ARHGEF40: variants seen among roughly 807,000 people sequenced by gnomAD.
ARHGEF40 encodes the protein Rho guanine nucleotide exchange factor 40.
A neutral mutation model predicts 165.9 loss-of-function variants in ARHGEF40; 98 were observed. The ratio of observed to expected loss-of-function variants is 0.59; its 90% confidence interval spans 0.50 to 0.70. The LOEUF (loss-of-function observed/expected upper bound fraction) is 0.70. Ranked by LOEUF, ARHGEF40 falls within the 30% of genes least tolerant of loss-of-function variation. The pLI is 0.00. For missense variants in ARHGEF40, 1,815 were observed against 1,968.0 expected, an observed-to-expected ratio of 0.92 and a Z score of 1.47; for synonymous variants, 792 against 814.3, an observed-to-expected ratio of 0.97 and a Z score of 0.47.
rs762930972 is a variant in ARHGEF40 at position 21,083,908 on chromosome 14, G to A, written c.3647G>A (p.Arg1216Gln). 6.8e-6 allele frequency: 11 copies of A among 1,613,988 alleles called. No individual in the cohort carries two copies. Among genetic ancestry groups the A allele is most frequent in the African/African-American group, 5.3e-5 (4 of 74,938 alleles). The change falls in exon 17 of 24, where the codon CGG becomes CAG. Residue 1216 changes from arginine to glutamine, a missense_variant. By Grantham distance (43) the Arg-to-Gln change is conservative (BLOSUM62 1). Coordinates refer to ENST00000298694, the MANE Select transcript of ARHGEF40 (RefSeq NM_018071.5). ...QPLEQLTRYGRLLEELLREAG... is the reference protein window; with the variant it reads ...QPLEQLTRYGQLLEELLREAG... The stretch of plus-strand genomic sequence containing the variant: ...CTGGAACAGCTGACTCGGTATGGGC[G>A]GCTCCTGGAGGAGCTCCTGAGGGAA...
chr14:21,063,940 G>A, the ARHGEF40 span, among the ~76,000 whole-genome samples: 4 of 152,108 alleles, frequency 2.6e-5, no homozygotes, highest in Admixed American at 6.5e-5. Flanking sequence ...ACATAGAACC[G>A]AATCTGCTTC....
In ARHGEF40 at chr14:21,076,601, T is replaced by C; in HGVS notation, c.1875T>C (p.Ile625=). 1 of 1,614,268 alleles carries C rather than the reference T, an allele frequency of 6.2e-7. No individual in the cohort carries two copies. Among genetic ancestry groups the C allele is most frequent in the African/African-American group, 1.3e-5 (1 of 75,062 alleles). The change falls in exon 7 of 24, where the codon ATT becomes ATC. Residue 625 remains isoleucine, a synonymous_variant. Coordinates refer to ENST00000298694, the MANE Select transcript of ARHGEF40 (RefSeq NM_018071.5). ...CTCCCCTTGTTCAGCGGCTGCTGAT[T>C]CTCATTCATGATGACCTTCCAACTG... ...GDPPLVQRLL[I]LIHDDLPTEL...
At chr14:21,078,738 C>T in intron 10 of ARHGEF40, 146 bp from the exon 11 acceptor site, 1 of 1,249,826 alleles carries the variant, frequency 8.0e-7, no homozygotes. Flanking sequence ...AGTCAGGATT[C>T]AAACCAAAGC....
upstream of ARHGEF40, among the ~76,000 whole-genome samples, chr14:21,069,558 G>A (rs1007779554): frequency 2.0e-5 from 3 of 152,234 alleles, no homozygotes; most frequent in African/African-American, 7.2e-5. Flanking sequence ...TCCCGATCCG[G>A]GAACCCTGCC....
chr14:21,062,488 C>T, the ARHGEF40 span, among the ~76,000 whole-genome samples: 21 of 152,218 alleles, frequency 1.4e-4, 1 homozygote, highest in Middle Eastern at 0.014. Flanking sequence ...AGTATTATAT[C>T]CTAGAAAAAC....
intron 17 of ARHGEF40, among the ~76,000 whole-genome samples, chr14:21,084,256 C>G (rs1463049761): frequency 6.6e-6 from 1 of 152,218 alleles, no homozygotes; most frequent in Non-Finnish European, 1.5e-5. Context: ...GTCCTCCCAA[C>G]ATCCCATGTT....
At chr14:21,084,291 G>C (rs978487960) in intron 17 of ARHGEF40, among the ~76,000 whole-genome samples, 1 of 152,110 alleles carries the variant, frequency 6.6e-6, no homozygotes, top group African/African-American at 2.4e-5. Context: ...GTACTCTCCT[G>C]TTCCTTTCCT....
intron 11 of ARHGEF40, among the ~76,000 whole-genome samples, chr14:21,080,386 C>T (rs1295984320): frequency 1.3e-5 from 2 of 152,160 alleles, no homozygotes; most frequent in Admixed American, 1.3e-4. Context: ...ACTTCACCCT[C>T]GGACATAGCC....
In ARHGEF40 at chr14:21,082,320, C is replaced by G; in HGVS notation, c.3328C>G (p.Pro1110Ala). The change falls in exon 15 of 24, where the codon CCC becomes GCC. Residue 1110 changes from proline (P) to alanine (A), a missense_variant. Pro to Ala is a conservative substitution (Grantham distance 27). Transcript: ENST00000298694. The stretch of plus-strand genomic sequence containing the variant: ...GGCCACCTTGAGTGAGCCAGTGCCA[C>G]CCCCTGGGCCTGAGCTGACGCCTGA... The part of the protein sequence containing the change: ...YVATLSEPVP[P>A]PGPELTPELR... 6.2e-7 allele frequency: 1 copy of G among 1,612,924 alleles called. No individual in the cohort carries two copies. The highest frequency in any genetic ancestry group is 8.5e-7 in the Non-Finnish European group (1 of 1,179,784).
the ARHGEF40 span, among the ~76,000 whole-genome samples, chr14:21,063,533 CA>C: frequency 1.3e-5 from 2 of 149,612 alleles, no homozygotes; most frequent in African/African-American, 2.4e-5. Context: ...ACACTAAGTA[CA>C]AAAAAAAAGG....
At position 21,070,319 on chromosome 14, in the gene ARHGEF40, C is replaced by T. The variant is rs1886601147; in HGVS notation, c.-78C>T. 9.4e-6 allele frequency: 13 copies of T among 1,381,970 alleles called. No individual in the cohort carries two copies. The highest frequency in any genetic ancestry group is 1.2e-5 in the Non-Finnish European group (13 of 1,068,880). 85.6% of individuals were successfully genotyped at this position (1,381,970 alleles called of 1,614,324 possible). On this transcript the variant is annotated 5_prime_UTR_variant, in exon 1 of 24. The change creates a new upstream start codon in the 5' untranslated region. Transcript: ENST00000298694. This position sits in a 1 kb window ranked among gnomAD's most constrained non-coding sequence, Gnocchi z 4.7. ...TCCCTTAGCCAGACCCGGCGAGACA[C>T]GAGCGGCGGGAGGGAGGCGGTGGCG... is the stretch of plus-strand genomic sequence containing the variant.
chr14:21,082,020 C>A lies in ARHGEF40; in HGVS notation c.3152C>A (p.Thr1051Lys). Residue 1051 changes from threonine (T) to lysine (K), a missense_variant, in exon 14 of 24, where the codon ACG becomes AAG. Thr to Lys is a moderately conservative substitution (Grantham distance 78). Coordinates refer to ENST00000298694, the MANE Select transcript of ARHGEF40 (RefSeq NM_018071.5). ...EVTSTEVVDR[T>K]CSPREHVLLG... ...ACCAGCACTGAGGTGGTAGACAGGA[C>A]GTGCTCACCACGGGAACACGTGCTG... is the stretch of plus-strand genomic sequence containing the variant. 1 of 1,571,018 alleles carries A rather than the reference C, an allele frequency of 6.4e-7. No individual in the cohort carries two copies. Among genetic ancestry groups the A allele is most frequent in the Non-Finnish European group, 8.6e-7 (1 of 1,157,872 alleles).
chr14:21,062,372 A>C, the ARHGEF40 span, among the ~76,000 whole-genome samples: 1 of 152,194 alleles, frequency 6.6e-6, no homozygotes, highest in Non-Finnish European at 1.5e-5. Flanking sequence ...TGCGACTGGC[A>C]GTGGAGCCCT....
chr14:21,061,933 G>A, the ARHGEF40 span, among the ~76,000 whole-genome samples: 17 of 152,278 alleles, frequency 1.1e-4, no homozygotes, highest in African/African-American at 4.1e-4. Flanking sequence ...TAGCTCAAAT[G>A]CCCAAATTAC....
At chr14:21,082,151 C>A in intron 14 of ARHGEF40, 32 bp downstream of exon 14, 1 of 1,560,802 alleles carries the variant, frequency 6.4e-7, no homozygotes, top group Non-Finnish European at 8.7e-7. Flanking sequence ...TGCTAAGAGG[C>A]GGAGCCAACT....
chr14:21,076,782 G>A lies in ARHGEF40; in HGVS notation c.1926G>A (p.Glu642=). 3 of 1,614,098 alleles carry A rather than the reference G, an allele frequency of 1.9e-6. No homozygotes were observed. Among genetic ancestry groups the A allele is most frequent in the Non-Finnish European group, 2.5e-6 (3 of 1,180,008 alleles). ...TGCCTTACCCTCTACAGGGTGCTGAGGTGCTGTCAGAGAATGATCTGAAAA... is the reference window on the plus strand; with the variant it reads ...TGCCTTACCCTCTACAGGGTGCTGAAGTGCTGTCAGAGAATGATCTGAAAA... ...PTELCGFQGA[E]VLSENDLKRV... The change falls in exon 8 of 24, where the codon GAG becomes GAA. Residue 642 remains glutamate, a synonymous_variant. Transcript: ENST00000298694.
chr14:21,067,513 G>T (rs6571634), upstream of ARHGEF40, among the ~76,000 whole-genome samples: 140,949 of 152,240 alleles, frequency 0.93, 65,352 homozygotes, highest in African/African-American at 0.96. Context: ...CATCCTGGTT[G>T]CTCATTTACT....
Position 21,090,196 on chromosome 14 carries a change from C to G in ARHGEF40, c.*1188C>G. ...ATGGGGCTAGAAGGGTACAGTGCCC[C>G]CCACCCTCACCCCTTGTACAAAAAT... On this transcript the variant is annotated 3_prime_UTR_variant, in exon 24 of 24. Transcript: ENST00000298694. The surrounding 1 kb of genome is among the most constrained non-coding windows in gnomAD (Gnocchi z 4.4). 1 of 554,546 alleles carries G rather than the reference C, an allele frequency of 1.8e-6. No individual in the cohort carries two copies. Among genetic ancestry groups the G allele is most frequent in the South Asian group, 1.5e-5 (1 of 65,426 alleles). 34.4% of individuals were successfully genotyped at this position (554,546 alleles called of 1,614,324 possible). A position where few individuals can be genotyped will look rare whatever the true frequency, so the allele number is the denominator to read the frequency against.
At position 21,073,849 on chromosome 14, in the gene ARHGEF40, C is replaced by A; in HGVS notation, c.202-83C>A. 6.8e-7 allele frequency: 1 copy of A among 1,480,634 alleles called. No homozygotes were observed. The highest frequency in any genetic ancestry group is 9.1e-7 in the Non-Finnish European group (1 of 1,101,288). 91.7% of individuals were successfully genotyped at this position (1,480,634 alleles called of 1,614,324 possible). ...CTTCCAGGCATAAGGCTGGTCCTGC[C>A]TAGGGTGGGCCCATTCTAACTGCCC... On this transcript the variant is annotated intron_variant, in intron 2 of 23. Transcript: ENST00000298694. The surrounding 1 kb of genome is among the most constrained non-coding windows in gnomAD (Gnocchi z 4.6).
Sources: allele counts gnomAD v4.1 joint callset (sites outside exome capture counted in the v4.1 genomes callset), GRCh38; gene constraint gnomAD v4.1.1; non-coding constraint Gnocchi (gnomAD v3.1); transcripts MANE v1.5; gene names NCBI Gene and HGNC (gene_info 2026-07-23, HGNC 2026-07-21).